The following SPTBN4 variants were observed in gnomAD, a reference collection of about 807,000 sequenced individuals.
SPTBN4 encodes the protein spectrin beta, non-erythrocytic 4, also known as spectrin beta chain, non-erythrocytic 4.
Under a neutral mutation model 277.8 loss-of-function variants are expected in SPTBN4, and 96 were observed. The ratio of observed to expected loss-of-function variants is 0.35; its 90% CI spans 0.29 to 0.41. The LOEUF (loss-of-function observed/expected upper bound fraction) is 0.41, where lower values mean the gene tolerates loss of function less well. Among genes scored for constraint, SPTBN4 ranks in the 10% least tolerant of loss-of-function variants. The pLI is 1.00. For synonymous variants in SPTBN4, 1,481 were observed against 1,580.3 expected, an observed-to-expected ratio of 0.94 and a Z score of 1.49; for missense variants, 3,006 against 3,595.7, an observed-to-expected ratio of 0.84 and a Z score of 4.19.
At chr19:40,537,633 T>C (rs1470911166) in intron 20 of SPTBN4, among the ~76,000 whole-genome samples, 1 of 152,050 alleles carries the variant, frequency 6.6e-6, no homozygotes, top group African/African-American at 2.4e-5. Context: ...CCTGTTATTA[T>C]CCCCACCCAG....
chr19:40,519,489 G>C lies in SPTBN4; in HGVS notation c.2992G>C (p.Glu998Gln). The C allele has an allele frequency of 6.2e-7, 1 of 1,609,212 alleles. No homozygotes were observed. Among genetic ancestry groups the C allele is most frequent in the Non-Finnish European group, 8.5e-7 (1 of 1,178,534 alleles). Residue 998 changes from glutamate to glutamine, a missense_variant, in exon 16 of 36, where the codon GAG becomes CAG. This residue lies in a region of SPTBN4 where 1,759 missense variants were observed against 2,061.5 expected (regional missense o/e 0.85). Coordinates refer to ENST00000598249, the MANE Select transcript of SPTBN4 (RefSeq NM_020971.3). This position sits in a 1 kb window ranked among gnomAD's most constrained non-coding sequence, Gnocchi z 5.7. ...GGAGAACCACGTGCTGGAGGTGGCC[G>C]AGGTGCGCGCCCAGGTGCGTGAGAA... ...LVENHVLEVA[E>Q]VRAQVREKRR...
intron 17 of SPTBN4, among the ~76,000 whole-genome samples, chr19:40,528,827 C>T (rs2080626097): frequency 6.6e-6 from 1 of 151,800 alleles, no homozygotes; most frequent in Non-Finnish European, 1.5e-5. Flanking sequence ...CCTGTCTCTG[C>T]CTCTCCCTTT....
At position 40,567,818 on chromosome 19, in the gene SPTBN4, C is replaced by G; in HGVS notation, c.6492C>G (p.Ala2164=). 6.6e-7 allele frequency: 1 copy of G among 1,516,726 alleles called. No individual in the cohort carries two copies. The allele number at this position is 1,516,726 out of a possible 1,614,324, so 94.0% of individuals were successfully genotyped here. Residue 2164 remains alanine (A), a synonymous_variant, in exon 31 of 36, where the codon GCC becomes GCG. Transcript: ENST00000598249. ...ERGLEPLARR[A]SDTLSAEVRT... is the part of the protein sequence containing the mutation. ...GCTTGGAGCCCCTGGCCCGCCGAGCCTCGGACACGCTCTCGGCCGAGGTGC... is the reference window on the plus strand; with the variant it reads ...GCTTGGAGCCCCTGGCCCGCCGAGCGTCGGACACGCTCTCGGCCGAGGTGC...
At chr19:40,467,706 A>G (rs1199392533) in intron 1 of SPTBN4, among the ~76,000 whole-genome samples, 1 of 151,598 alleles carries the variant, frequency 6.6e-6, no homozygotes, top group Non-Finnish European at 1.5e-5. Flanking sequence ...TTCCCATTCA[A>G]TCGCGTTATG....
Position 40,490,371 on chromosome 19 carries a change from T to G in SPTBN4, c.495+123T>G. 8.5e-7 allele frequency: 1 copy of G among 1,182,506 alleles called. No individual in the cohort carries two copies. The highest frequency in any genetic ancestry group is 1.2e-6 in the Non-Finnish European group (1 of 855,180). 73.3% of individuals were successfully genotyped at this position (1,182,506 alleles called of 1,614,324 possible). On this transcript the variant is annotated intron_variant, in intron 4 of 35. Transcript: ENST00000598249. This position sits in a 1 kb window ranked among gnomAD's most constrained non-coding sequence, Gnocchi z 4.3. ...TAATATGCTGGAATCCTATTCCAGG[T>G]GTTAGGGATGAAAATAATGATAAAA...
Position 40,570,424 on chromosome 19 carries a change from C to T in SPTBN4, c.7027-12C>T, listed in dbSNP as rs375975502. On this transcript the variant is annotated splice_polypyrimidine_tract_variant and intron_variant, in intron 32 of 35. Coordinates refer to ENST00000598249, the MANE Select transcript of SPTBN4 (RefSeq NM_020971.3). ...CATGGACAGCACCCCTCTTCCCCCT[C>T]CCTTCACACAGCCGTCGCTGCCTCA... 742 of 1,555,470 alleles carry T rather than the reference C, an allele frequency of 4.8e-4. 3 individuals carry two copies. The African/African-American group carries it at 9.2e-3, about 19-fold the overall frequency.
chr19:40,514,644 G>A (rs1249200833), intron 14 of SPTBN4, among the ~76,000 whole-genome samples: 2 of 152,182 alleles, frequency 1.3e-5, no homozygotes, highest in African/African-American at 4.8e-5. Context: ...TGAGGTCGAA[G>A]ACAGGTTCAA....
At position 40,513,528 on chromosome 19, in the gene SPTBN4, C is replaced by T. The variant is rs773198722; in HGVS notation, c.2739C>T (p.Leu913=). The change falls in exon 14 of 36, where the codon CTC becomes CTT. Residue 913 remains leucine, a synonymous_variant. Transcript: ENST00000598249. ...TCTCCATGCGTGTGCCGGATTCACTCGACGACGTCGAGGTGGTGCAGCACC... is the reference window on the plus strand; with the variant it reads ...TCTCCATGCGTGTGCCGGATTCACTTGACGACGTCGAGGTGGTGCAGCACC... ...WLLSMRVPDS[L]DDVEVVQHRF... is the part of the protein sequence containing the mutation. 6.3e-7 allele frequency: 1 copy of T among 1,586,276 alleles called. No homozygotes were observed.
intron 20 of SPTBN4, among the ~76,000 whole-genome samples, chr19:40,545,799 T>C (rs2080852474): frequency 6.6e-6 from 1 of 151,950 alleles, no homozygotes; most frequent in Non-Finnish European, 1.5e-5. Context: ...CCCAGCACTT[T>C]GGAAGGCCAA....
chr19:40,481,851 T>C (rs1161685067), intron 2 of SPTBN4, among the ~76,000 whole-genome samples: 4 of 152,170 alleles, frequency 2.6e-5, no homozygotes, highest in Non-Finnish European at 4.4e-5. Flanking sequence ...ATTTTCCTGA[T>C]GACTAAGAAC....
intron 7 of SPTBN4, among the ~76,000 whole-genome samples, chr19:40,499,737 T>C (rs957940201): frequency 6.6e-6 from 1 of 152,012 alleles, no homozygotes. Flanking sequence ...AGCTCAGGGA[T>C]GTTGTCACTT....
At chr19:40,537,065 A>G (rs944525769) in intron 20 of SPTBN4, among the ~76,000 whole-genome samples, 3 of 151,612 alleles carry the variant, frequency 2.0e-5, no homozygotes, top group Non-Finnish European at 4.4e-5. Context: ...GCTGGAGTGC[A>G]GTGGCTTGAT....
chr19:40,557,414 G>T lies in SPTBN4; in HGVS notation c.5670+11G>T. 1 of 1,545,746 alleles carries T rather than the reference G, an allele frequency of 6.5e-7. No individual in the cohort carries two copies. The highest frequency in any genetic ancestry group is 1.4e-5 in the African/African-American group (1 of 73,242). On this transcript the variant is annotated intron_variant, in intron 26 of 35. Coordinates refer to ENST00000598249, the MANE Select transcript of SPTBN4 (RefSeq NM_020971.3). ...CTCCTCGTGTCCCAGGTGGGGCGCC[G>T]GTGGCCATCAGGGCAGGTGGGAGGG...
chr19:40,567,631 CTCCAACCTAA>C, intron 30 of SPTBN4, 22 bp from the exon 31 acceptor site: 2 of 1,442,024 alleles, frequency 1.4e-6, no homozygotes, highest in Non-Finnish European at 1.8e-6. Context: ...GGCCCCACGC[CTCCAACCTAA>C]CCCTGGTCCC....
rs572695508 is a variant in SPTBN4 at position 40,470,353 on chromosome 19, C to T, written c.-15-2254C>T. Among the ~76,000 whole-genome samples the T allele has an allele frequency of 7.3e-5, 11 of 151,674 alleles. No homozygotes were observed. The South Asian group carries it at 1.0e-3, about 14-fold the overall frequency. The stretch of plus-strand genomic sequence containing the variant: ...TGGTGTCTCGCCCTGTTGCCCAAGC[C>T]GGAGTGCAGTGGTGCCATCTTGGCT... On this transcript the variant is annotated intron_variant, in intron 1 of 35. Transcript: ENST00000598249.
intron 20 of SPTBN4, among the ~76,000 whole-genome samples, chr19:40,538,835 C>A (rs1395113853): frequency 6.6e-5 from 10 of 152,146 alleles, no homozygotes; most frequent in Non-Finnish European, 1.2e-4. Flanking sequence ...AGTGATCCTC[C>A]TACGTTAGTC....
At chr19:40,478,055 G>C (rs1442478587) in intron 2 of SPTBN4, among the ~76,000 whole-genome samples, 1 of 152,032 alleles carries the variant, frequency 6.6e-6, no homozygotes, top group Non-Finnish European at 1.5e-5. Context: ...GGCCAGGCTG[G>C]TCTCGAACTC....
chr19:40,510,308 G>A (rs190342126), intron 13 of SPTBN4, among the ~76,000 whole-genome samples: 1 of 151,500 alleles, frequency 6.6e-6, no homozygotes, highest in African/African-American at 2.4e-5. Context: ...TTTTGTTGTT[G>A]TTGTTTTGTT....
intron 11 of SPTBN4, 86 bp from the exon 12 acceptor site, chr19:40,503,744 G>T (rs1308288325): frequency 2.1e-6 from 3 of 1,409,434 alleles, no homozygotes; most frequent in African/African-American, 1.4e-5. Flanking sequence ...AGGTAATGGA[G>T]TGGGGAGTCC....
Sources: allele counts gnomAD v4.1 joint callset (sites outside exome capture counted in the v4.1 genomes callset), GRCh38; gene constraint gnomAD v4.1.1; regional missense constraint gnomAD v4.1.1; non-coding constraint Gnocchi (gnomAD v3.1); transcripts MANE v1.5; gene names NCBI Gene and HGNC (gene_info 2026-07-23, HGNC 2026-07-21).